The following SLCO3A1 variants were observed in gnomAD, a reference collection of about 807,000 sequenced individuals.
The protein encoded by SLCO3A1 is PGE1 transporter.
A neutral mutation model predicts 63.1 loss-of-function variants in SLCO3A1; 27 were observed. The observed-to-expected ratio is 0.43, with a 90% CI of 0.32 to 0.59. The LOEUF is 0.59. SLCO3A1 is among the 20% of genes least tolerant of loss of function. SLCO3A1 has a pLI of 0.09. For missense variants in SLCO3A1, 773 were observed against 945.8 expected (o/e 0.82, Z 2.40); for synonymous variants, 473 against 409.9 (o/e 1.15, Z -1.86).
rs1164185275 is a variant in SLCO3A1 at position 91,872,282 on chromosome 15, C to T, written c.180+18194C>T. ...GCACGGTGGCTCACGCCTGTAATCC[C>T]AGCACTTTGGGAAGCCAGTGCGGGC... On this transcript the variant is annotated intron_variant, in intron 1 of 9. Transcript: ENST00000318445. The surrounding 1 kb of genome is among the most constrained non-coding windows in gnomAD (Gnocchi z 4.1). Among the ~76,000 whole-genome samples the T allele has an allele frequency of 1.3e-5, 2 of 152,154 alleles. No individual in the cohort carries two copies. Among genetic ancestry groups the T allele is most frequent in the African/African-American group, 2.4e-5 (1 of 41,432 alleles).
intron 1 of SLCO3A1, among the ~76,000 whole-genome samples, chr15:91,903,218 G>A (rs1296156538): frequency 1.3e-5 from 2 of 152,148 alleles, no homozygotes; most frequent in Non-Finnish European, 1.5e-5. Context: ...CGAGGAGGAG[G>A]GACTGCAGGG....
intron 1 of SLCO3A1, among the ~76,000 whole-genome samples, chr15:91,896,802 C>T (rs1298320954): frequency 1.3e-5 from 2 of 152,186 alleles, no homozygotes; most frequent in African/African-American, 2.4e-5. Flanking sequence ...TGGAGGGACA[C>T]TCTGATTAGT....
chr15:92,120,496 A>G lies in SLCO3A1; in HGVS notation c.1041A>G (p.Ser347=), dbSNP rs369091752. 22 of 1,613,918 alleles carry G rather than the reference A, an allele frequency of 1.4e-5. No homozygotes were observed. The highest frequency in any genetic ancestry group is 1.8e-5 in the Non-Finnish European group (21 of 1,179,922). ...CGAAGGTCACCAAGCACCTGCTCTC[A>G]AACCCTGTGTTCACCTGCATCATCC... ...VIPKVTKHLL[S]NPVFTCIILA... is the part of the protein sequence containing the mutation. Residue 347 remains serine (S), a synonymous_variant, in exon 5 of 10, where the codon TCA becomes TCG. Coordinates refer to ENST00000318445, the MANE Select transcript of SLCO3A1 (RefSeq NM_013272.4).
intron 2 of SLCO3A1, among the ~76,000 whole-genome samples, chr15:92,041,545 C>T (rs1026688833): frequency 6.6e-6 from 1 of 152,158 alleles, no homozygotes; most frequent in Non-Finnish European, 1.5e-5. Flanking sequence ...AATGGAGTCT[C>T]GAATGAACTA....
intron 2 of SLCO3A1, among the ~76,000 whole-genome samples, chr15:92,027,163 C>T (rs1257326247): frequency 6.6e-6 from 1 of 151,694 alleles, no homozygotes; most frequent in African/African-American, 2.4e-5. Context: ...TGGGAGTTGT[C>T]ATGAGCTCTC....
chr15:91,992,189 G>C (rs996498868), intron 2 of SLCO3A1, among the ~76,000 whole-genome samples: 4 of 152,188 alleles, frequency 2.6e-5, no homozygotes, highest in African/African-American at 9.7e-5. Flanking sequence ...TGAGTGTTTT[G>C]TCTATAAGCA....
intron 2 of SLCO3A1, among the ~76,000 whole-genome samples, chr15:92,090,331 T>C (rs1286771145): frequency 6.6e-6 from 1 of 152,234 alleles, no homozygotes; most frequent in Non-Finnish European, 1.5e-5. Flanking sequence ...CAAGATATTC[T>C]GCCTTACCCC....
chr15:91,990,384 G>A (rs1273830815), intron 2 of SLCO3A1, among the ~76,000 whole-genome samples: 2 of 152,156 alleles, frequency 1.3e-5, no homozygotes, highest in Non-Finnish European at 2.9e-5. Context: ...GCTGTTGGCT[G>A]CTTCTCTGGG....
chr15:92,165,771 A>G lies in SLCO3A1; in HGVS notation c.*2636A>G. On this transcript the variant is annotated 3_prime_UTR_variant, in exon 10 of 10. Coordinates refer to ENST00000318445, the MANE Select transcript of SLCO3A1 (RefSeq NM_013272.4). ...TTTGCCTTTTGTGCTCTAAAGAAGC[A>G]TTGTACATACAACACTAGATCCAGC... 1 of 984,360 alleles carries G rather than the reference A, an allele frequency of 1.0e-6. No individual in the cohort carries two copies. Among genetic ancestry groups the G allele is most frequent in the Non-Finnish European group, 1.2e-6 (1 of 829,006 alleles). 61.0% of individuals were successfully genotyped at this position (984,360 alleles called of 1,614,324 possible). A position where few individuals can be genotyped will look rare whatever the true frequency, so the allele number is the denominator to read the frequency against.
chr15:91,878,446 G>A (rs1456894379), intron 1 of SLCO3A1, among the ~76,000 whole-genome samples: 1 of 152,138 alleles, frequency 6.6e-6, no homozygotes, highest in African/African-American at 2.4e-5. Context: ...GTAGCCAAAT[G>A]CCATCAGAAG....
At chr15:91,985,293 C>T (rs2046037787) in intron 2 of SLCO3A1, among the ~76,000 whole-genome samples, 1 of 152,194 alleles carries the variant, frequency 6.6e-6, no homozygotes, top group Non-Finnish European at 1.5e-5. Flanking sequence ...CATGTTGTCA[C>T]ATGTAGTTGT....
At chr15:92,055,089 T>C (rs1355832032) in intron 2 of SLCO3A1, among the ~76,000 whole-genome samples, 1 of 152,260 alleles carries the variant, frequency 6.6e-6, no homozygotes, top group African/African-American at 2.4e-5. Flanking sequence ...GCATTCCTAT[T>C]CCTGCACAGC....
At chr15:91,945,420 G>T (rs1262009712) in intron 2 of SLCO3A1, among the ~76,000 whole-genome samples, 3 of 152,080 alleles carry the variant, frequency 2.0e-5, no homozygotes, top group African/African-American at 7.2e-5. Flanking sequence ...AAGGACCCTG[G>T]CCTCGTTTAC....
chr15:92,146,606 A>G (rs373949437), intron 7 of SLCO3A1, among the ~76,000 whole-genome samples: 3 of 152,192 alleles, frequency 2.0e-5, no homozygotes, highest in East Asian at 3.8e-4. Context: ...TTATAACTGC[A>G]TAAAAGAGAG....
chr15:92,153,287 T>C (rs2048330714), intron 9 of SLCO3A1, among the ~76,000 whole-genome samples: 1 of 152,134 alleles, frequency 6.6e-6, no homozygotes, highest in African/African-American at 2.4e-5. Flanking sequence ...GTAATAGGTA[T>C]GACACATTCT....
chr15:91,868,927 A>G (rs756123672), intron 1 of SLCO3A1, among the ~76,000 whole-genome samples: 2 of 152,240 alleles, frequency 1.3e-5, no homozygotes, highest in African/African-American at 2.4e-5. Context: ...TTCAAATGAA[A>G]AATGACCTTA....
At chr15:91,940,157 A>G (rs752844792) in intron 2 of SLCO3A1, among the ~76,000 whole-genome samples, 4 of 152,022 alleles carry the variant, frequency 2.6e-5, no homozygotes, top group Non-Finnish European at 5.9e-5. Flanking sequence ...ATCACATCCA[A>G]TGACAGCAGC....
intron 2 of SLCO3A1, among the ~76,000 whole-genome samples, chr15:91,990,918 A>G (rs2046118539): frequency 6.6e-6 from 1 of 152,194 alleles, no homozygotes; most frequent in Non-Finnish European, 1.5e-5. Flanking sequence ...GAGGAGCAGT[A>G]GAGCCCGTGG....
At chr15:92,028,161 C>T (rs1193871766) in intron 2 of SLCO3A1, among the ~76,000 whole-genome samples, 2 of 152,154 alleles carry the variant, frequency 1.3e-5, no homozygotes, top group Non-Finnish European at 2.9e-5. Flanking sequence ...GAGGGCAGCA[C>T]ACAGTGGGGG....
Sources: allele counts gnomAD v4.1 joint callset (sites outside exome capture counted in the v4.1 genomes callset), GRCh38; gene constraint gnomAD v4.1.1; non-coding constraint Gnocchi (gnomAD v3.1); transcripts MANE v1.5; gene names NCBI Gene and HGNC (gene_info 2026-07-23, HGNC 2026-07-21).